TENM2: variants seen among roughly 807,000 people sequenced by gnomAD.
The protein encoded by TENM2 is teneurin-2.
A neutral mutation model predicts 245.2 loss-of-function variants in TENM2; 52 were observed. The observed-to-expected ratio is 0.21, with a 90% CI of 0.17 to 0.27. The LOEUF (loss-of-function observed/expected upper bound fraction) is 0.27, where lower values mean the gene tolerates loss of function less well. Among genes scored for constraint, TENM2 ranks in the 10% least tolerant of loss-of-function variants. TENM2 has a pLI of 1.00. For missense variants in TENM2, 3,046 were observed against 3,666.8 expected (o/e 0.83, Z 4.37); for synonymous variants, 1,363 against 1,438.9 (o/e 0.95, Z 1.19).
chr5:167,676,694 T>C (rs925712402), intron 2 of TENM2, among the ~76,000 whole-genome samples: 7 of 152,130 alleles, frequency 4.6e-5, no homozygotes, highest in Non-Finnish European at 1.0e-4. Context: ...ATAGTTTTTA[T>C]GCAAAGTGAC....
At chr5:167,960,351 C>T (rs907673786) in intron 4 of TENM2, among the ~76,000 whole-genome samples, 1 of 152,204 alleles carries the variant, frequency 6.6e-6, no homozygotes, top group African/African-American at 2.4e-5. Flanking sequence ...TATCTATAAG[C>T]CTCTGACTGG....
rs116059503 is a variant in TENM2 at position 167,657,007 on chromosome 5, T to C, written c.503-218979T>C. ...CTTCTAGCTATTTGAAGCTATATAC[T>C]ATATTATTGTTTACTGTAGTCCTAC... On this transcript the variant is annotated intron_variant, in intron 2 of 28. Coordinates refer to ENST00000518659, the Ensembl canonical transcript of TENM2. Among the ~76,000 whole-genome samples the C allele has an allele frequency of 3.4e-3, 515 of 151,652 alleles. 3 individuals are homozygous for C. Among genetic ancestry groups the C allele is most frequent in the African/African-American group, 0.012 (499 of 41,306 alleles).
intron 2 of TENM2, among the ~76,000 whole-genome samples, chr5:167,858,967 G>A (rs1220093524): frequency 1.4e-5 from 2 of 143,678 alleles, no homozygotes; most frequent in Non-Finnish European, 3.1e-5. Flanking sequence ...CTGCCTGGCC[G>A]CCCATCGTCT....
Position 168,244,151 on chromosome 5 carries a change from G to A in TENM2, c.5521-269G>A, listed in dbSNP as rs1766343881. On this transcript the variant is annotated intron_variant, in intron 25 of 28. Transcript: ENST00000518659. This position sits in a 1 kb window ranked among gnomAD's most constrained non-coding sequence, Gnocchi z 4.9. ...GGGGTTTCACCATGTTGGCCAGGCT[G>A]GTCTTGAACTCCCGACCTCAGGTGA... 6.6e-6 allele frequency among the ~76,000 whole-genome samples: 1 copy of A among 151,956 alleles called. No homozygotes were observed. Among genetic ancestry groups the A allele is most frequent in the Non-Finnish European group, 1.5e-5 (1 of 68,004 alleles).
At chr5:167,377,680 A>G (rs1760846269) in intron 2 of TENM2, among the ~76,000 whole-genome samples, 1 of 152,226 alleles carries the variant, frequency 6.6e-6, no homozygotes, top group Admixed American at 6.5e-5. Flanking sequence ...TGTTAACTTC[A>G]GTAAACTTCT....
chr5:167,429,607 CTT>C (rs10587909), intron 2 of TENM2, among the ~76,000 whole-genome samples: 71 of 78,724 alleles, frequency 9.0e-4, no homozygotes, highest in South Asian at 2.1e-3. Flanking sequence ...CTCTCTCTCT[CTT>C]TTTTTTTTTT....
At chr5:167,562,310 A>AT (rs147281247) in intron 2 of TENM2, among the ~76,000 whole-genome samples, 4,828 of 152,206 alleles carry the variant, frequency 0.032, 259 homozygotes, top group African/African-American at 0.11. Context: ...GCAAAGAGGC[A>AT]TTTTTTCCCC....
intron 1 of TENM2, among the ~76,000 whole-genome samples, chr5:167,324,087 A>G (rs1438003631): frequency 6.6e-6 from 1 of 152,180 alleles, no homozygotes; most frequent in Non-Finnish European, 1.5e-5. Flanking sequence ...ACTGTTCCTC[A>G]TGGTGAAGTG....
intron 7 of TENM2, among the ~76,000 whole-genome samples, chr5:168,086,220 C>T (rs190603672): frequency 5.9e-5 from 9 of 152,314 alleles, no homozygotes; most frequent in East Asian, 3.9e-4. Context: ...CCCCGCTCCA[C>T]GGTCTAGGCT....
the TENM2 span, among the ~76,000 whole-genome samples, chr5:167,077,214 A>C: frequency 6.6e-6 from 1 of 152,252 alleles, no homozygotes; most frequent in African/African-American, 2.4e-5. Flanking sequence ...AGAATAAAAT[A>C]GAACTTAGTG....
the TENM2 span, among the ~76,000 whole-genome samples, chr5:167,108,539 CATT>C: frequency 6.6e-6 from 1 of 152,202 alleles, no homozygotes; most frequent in African/African-American, 2.4e-5. Flanking sequence ...AATCCAGTAA[CATT>C]ATACGGTAAC....
At chr5:167,814,579 G>GT (rs1252912207) in intron 2 of TENM2, among the ~76,000 whole-genome samples, 1 of 151,226 alleles carries the variant, frequency 6.6e-6, no homozygotes, top group African/African-American at 2.4e-5. Flanking sequence ...TCTGTGTGGT[G>GT]TAAGTATGCA....
At chr5:168,014,238 C>T (rs949634777) in intron 5 of TENM2, among the ~76,000 whole-genome samples, 3 of 152,196 alleles carry the variant, frequency 2.0e-5, no homozygotes, top group Non-Finnish European at 4.4e-5. Context: ...TTACTACATG[C>T]TAAGCAGTTC....
the TENM2 span, among the ~76,000 whole-genome samples, chr5:167,242,289 ATC>A: frequency 6.6e-6 from 1 of 151,974 alleles, no homozygotes; most frequent in African/African-American, 2.4e-5. Context: ...ACCTCAGGTG[ATC>A]TGTCTGCCTC....
the TENM2 span, among the ~76,000 whole-genome samples, chr5:167,279,731 G>T: frequency 1.3e-5 from 2 of 151,806 alleles, no homozygotes; most frequent in African/African-American, 4.8e-5. Context: ...ATTTTCACTG[G>T]GGTCTTCTTT....
intron 2 of TENM2, among the ~76,000 whole-genome samples, chr5:167,705,986 TATA>T (rs1758484137): frequency 1.1e-5 from 1 of 89,568 alleles, no homozygotes; most frequent in African/African-American, 7.9e-5. Flanking sequence ...TATATATATA[TATA>T]TATTTATTTA....
chr5:167,747,412 C>T (rs1196078357), intron 2 of TENM2, among the ~76,000 whole-genome samples: 1 of 152,180 alleles, frequency 6.6e-6, no homozygotes, highest in Non-Finnish European at 1.5e-5. Flanking sequence ...CATTTCCCTG[C>T]CCAAGTTTGT....
intron 25 of TENM2, chr5:168,229,558 C>T (rs953062456): frequency 6.6e-6 from 1 of 152,000 alleles, no homozygotes; most frequent in Admixed American, 6.6e-5. Context: ...AACTGCAGAA[C>T]AAGACAAGCA....
At chr5:167,433,178 A>C (rs1196022971) in intron 2 of TENM2, among the ~76,000 whole-genome samples, 1 of 152,050 alleles carries the variant, frequency 6.6e-6, no homozygotes, top group African/African-American at 2.4e-5. Context: ...AAGTTTATTA[A>C]CAGCAGGTAA....
Sources: gnomAD v4.1 joint callset for allele counts (sites outside exome capture counted in the v4.1 genomes callset) on GRCh38, gnomAD v4.1.1 for gene constraint, Gnocchi (gnomAD v3.1) non-coding constraint, MANE v1.5 for transcripts, NCBI Gene and HGNC (gene_info 2026-07-23, HGNC 2026-07-21) for gene names.